SCEL: variants seen among roughly 807,000 people sequenced by gnomAD.
SCEL encodes the protein sciellin.
A neutral mutation model predicts 117.6 loss-of-function variants in SCEL; 113 were observed. The observed-to-expected ratio is 0.96, with a 90% CI of 0.83 to 1.12. The LOEUF (loss-of-function observed/expected upper bound fraction) is 1.12, where lower values mean the gene tolerates loss of function less well. SCEL is among the 50% of genes most tolerant of loss of function. The pLI is 0.00. For missense variants in SCEL, 785 were observed against 810.8 expected (o/e 0.97, Z 0.39); for synonymous variants, 270 against 256.2 (o/e 1.05, Z -0.51).
At chr13:77,559,115 T>A (rs1045234958) in intron 3 of SCEL, among the ~76,000 whole-genome samples, 4 of 152,156 alleles carry the variant, frequency 2.6e-5, no homozygotes, top group Non-Finnish European at 5.9e-5. Flanking sequence ...AATATCTGGG[T>A]CCTAGACCCA....
chr13:77,594,039 A>G (rs182010814), intron 12 of SCEL, among the ~76,000 whole-genome samples: 8 of 152,174 alleles, frequency 5.3e-5, no homozygotes, highest in African/African-American at 1.7e-4. Context: ...AAGTAGTATC[A>G]TGCATGCACG....
At chr13:77,554,713 G>A (rs2084549360) in intron 1 of SCEL, among the ~76,000 whole-genome samples, 1 of 152,144 alleles carries the variant, frequency 6.6e-6, no homozygotes, top group Admixed American at 6.6e-5. Context: ...GGTTTCAATA[G>A]CCTCATTTTG....
intron 10 of SCEL, among the ~76,000 whole-genome samples, chr13:77,591,051 C>T (rs934868952): frequency 3.3e-5 from 5 of 151,836 alleles, no homozygotes; most frequent in Admixed American, 6.6e-5. Flanking sequence ...CTTTGATGCC[C>T]ATAACAAAAA....
chr13:77,625,175 A>G (rs1187048607), intron 27 of SCEL, among the ~76,000 whole-genome samples: 1 of 152,162 alleles, frequency 6.6e-6, no homozygotes, highest in Admixed American at 6.5e-5. Flanking sequence ...TTCCTAAGAA[A>G]TTGGATCATG....
chr13:77,562,088 T>C (rs1256356398), intron 4 of SCEL, among the ~76,000 whole-genome samples: 4 of 152,198 alleles, frequency 2.6e-5, no homozygotes, highest in Admixed American at 6.5e-5. Flanking sequence ...ATAGCACCTG[T>C]AGGAGGCCTC....
At position 77,563,726 on chromosome 13, in the gene SCEL, C is replaced by A. The variant is rs985662784; in HGVS notation, c.222-105C>A. The A allele has an allele frequency of 8.1e-6, 6 of 743,968 alleles. No homozygotes were observed. The African/African-American group carries it at 9.1e-5, about 11-fold the overall frequency. The allele number at this position is 743,968 out of a possible 1,614,324, so 46.1% of individuals were successfully genotyped here. A position where few individuals can be genotyped will look rare whatever the true frequency, so the allele number is the denominator to read the frequency against. On this transcript the variant is annotated intron_variant, in intron 4 of 32. Transcript: ENST00000349847. ...CTTTCCTTGGTAACATGTATATTTCCTACTGAAATAGGTCAAAATATTGCC... is the reference window on the plus strand; with the variant it reads ...CTTTCCTTGGTAACATGTATATTTCATACTGAAATAGGTCAAAATATTGCC...
intron 12 of SCEL, among the ~76,000 whole-genome samples, chr13:77,596,485 T>G (rs2087237069): frequency 6.6e-6 from 1 of 152,196 alleles, no homozygotes; most frequent in Admixed American, 6.5e-5. Flanking sequence ...GAATCTTTTC[T>G]GAGGTGGGTA....
intron 27 of SCEL, among the ~76,000 whole-genome samples, chr13:77,622,074 T>C (rs1027151830): frequency 3.3e-5 from 5 of 152,358 alleles, no homozygotes; most frequent in Non-Finnish European, 7.3e-5. Flanking sequence ...ATACCACTTC[T>C]TTCACTGTAT....
chr13:77,599,474 A>G lies in SCEL; in HGVS notation c.857+86A>G, dbSNP rs2154401249. ...CAGACATTAGCTGCAAGGGGGTTGT[A>G]TCCTCTGGCATGGAAATGTACTGGC... is the stretch of plus-strand genomic sequence containing the variant. On this transcript the variant is annotated intron_variant, in intron 14 of 32. Coordinates refer to ENST00000349847, the MANE Select transcript of SCEL (RefSeq NM_144777.3). 7.0e-6 allele frequency: 8 copies of G among 1,150,742 alleles called. No individual in the cohort carries two copies. The East Asian group carries it at 1.4e-4, about 21-fold the overall frequency. 71.3% of individuals were successfully genotyped at this position (1,150,742 alleles called of 1,614,324 possible).
intron 24 of SCEL, 64 bp downstream of exon 24, chr13:77,614,019 A>G (rs1219583847): frequency 3.1e-6 from 4 of 1,273,288 alleles, no homozygotes; most frequent in Non-Finnish European, 3.4e-6. Context: ...AATAGAAATG[A>G]TTTAGAATTA....
At chr13:77,587,478 C>T (rs1175319183) in intron 9 of SCEL, among the ~76,000 whole-genome samples, 2 of 152,098 alleles carry the variant, frequency 1.3e-5, no homozygotes, top group African/African-American at 4.8e-5. Context: ...CAAACTGCCT[C>T]AATGCCTCTA....
intron 22 of SCEL, among the ~76,000 whole-genome samples, chr13:77,610,497 C>A (rs544545804): frequency 6.6e-6 from 1 of 150,392 alleles, no homozygotes; most frequent in Non-Finnish European, 1.5e-5. Flanking sequence ...GCCATAGAGA[C>A]AACCAATGAT....
intron 13 of SCEL, 146 bp downstream of exon 13, chr13:77,597,735 A>G: frequency 2.1e-6 from 1 of 478,228 alleles, no homozygotes; most frequent in Non-Finnish European, 3.7e-6. Context: ...AGCAATCATC[A>G]TCATTTCATT....
chr13:77,579,594 T>C (rs1173687000), intron 9 of SCEL, among the ~76,000 whole-genome samples: 1 of 152,250 alleles, frequency 6.6e-6, no homozygotes, highest in Non-Finnish European at 1.5e-5. Flanking sequence ...ACTCAGCTTC[T>C]ACCAGGGAGT....
intron 29 of SCEL, 61 bp downstream of exon 29, chr13:77,634,511 T>C (rs2090180440): frequency 5.9e-6 from 7 of 1,192,072 alleles, no homozygotes; most frequent in Non-Finnish European, 8.6e-6. Context: ...GATCTATGTT[T>C]AATAAGAGAT....
At chr13:77,587,893 T>C (rs111941597) in intron 9 of SCEL, among the ~76,000 whole-genome samples, 9 of 152,074 alleles carry the variant, frequency 5.9e-5, no homozygotes, top group African/African-American at 2.2e-4. Flanking sequence ...TTAAATACCA[T>C]CTCTAAGCTA....
intron 28 of SCEL, among the ~76,000 whole-genome samples, chr13:77,630,842 C>T (rs1053101043): frequency 1.4e-4 from 21 of 152,152 alleles, no homozygotes; most frequent in African/African-American, 5.1e-4. Context: ...CAATTTGTTT[C>T]AATGGAGGAT....
chr13:77,616,002 C>CTGTGTGTGTG (rs1272729598), intron 24 of SCEL, among the ~76,000 whole-genome samples: 7 of 141,826 alleles, frequency 4.9e-5, no homozygotes, highest in African/African-American at 1.0e-4. Flanking sequence ...ATTTATGTCT[C>CTGTGTGTGTG]TCTGTGTGTG....
rs887950850 is a variant in SCEL, at chr13:77,563,992, A to G, written c.290+93A>G. 14 of 874,618 alleles carry G rather than the reference A, an allele frequency of 1.6e-5. No homozygotes were observed. The African/African-American group carries it at 2.5e-4, about 15-fold the overall frequency. 54.2% of individuals were successfully genotyped at this position (874,618 alleles called of 1,614,324 possible). On this transcript the variant is annotated intron_variant, in intron 5 of 32. Coordinates refer to ENST00000349847, the MANE Select transcript of SCEL (RefSeq NM_144777.3). ...GAAGTATTTAAAAGTTTACCAAAATAAGGTTTGAATCACTGATATTTTATT... is the reference window on the plus strand; with the variant it reads ...GAAGTATTTAAAAGTTTACCAAAATGAGGTTTGAATCACTGATATTTTATT...
Sources: allele counts gnomAD v4.1 joint callset (sites outside exome capture counted in the v4.1 genomes callset), GRCh38; gene constraint gnomAD v4.1.1; transcripts MANE v1.5; gene names NCBI Gene and HGNC (gene_info 2026-07-23, HGNC 2026-07-21).